SORCS1: variants seen among roughly 807,000 people sequenced by gnomAD.
SORCS1 encodes the protein sortilin related VPS10 domain containing receptor 1.
A neutral mutation model predicts 146.1 loss-of-function variants in SORCS1; 60 were observed. The observed-to-expected ratio is 0.41, with a 90% CI of 0.33 to 0.51. The LOEUF (loss-of-function observed/expected upper bound fraction) is 0.51, where lower values mean the gene tolerates loss of function less well. SORCS1 is among the 20% of genes least tolerant of loss of function. The pLI is 0.21. For missense variants in SORCS1, 1,352 were observed against 1,487.6 expected (o/e 0.91, Z 1.50); for synonymous variants, 637 against 584.0 (o/e 1.09, Z -1.31).
intron 25 of SORCS1, chr10:106,579,100 G>A: frequency 6.2e-7 from 1 of 1,613,916 alleles, no homozygotes; most frequent in South Asian, 1.1e-5. Flanking sequence ...CCTATGAGCT[G>A]GGATTCCACC....
chr10:106,685,809 A>C (rs1258102884), intron 10 of SORCS1, among the ~76,000 whole-genome samples: 1 of 152,182 alleles, frequency 6.6e-6, no homozygotes, highest in Admixed American at 6.5e-5. Context: ...AGCCATTAGA[A>C]GGTTTAAGGA....
upstream of SORCS1, among the ~76,000 whole-genome samples, chr10:107,165,714 G>T (rs555464438): frequency 6.6e-6 from 1 of 152,282 alleles, no homozygotes; most frequent in South Asian, 2.1e-4. The surrounding 1 kb of genome is among the most constrained non-coding windows in gnomAD (Gnocchi z 4.0). Flanking sequence ...TGTGTCACTT[G>T]GTGCCTGGCC....
At chr10:106,747,696 G>A (rs1857843372) in intron 5 of SORCS1, among the ~76,000 whole-genome samples, 1 of 152,098 alleles carries the variant, frequency 6.6e-6, no homozygotes, top group Non-Finnish European at 1.5e-5. Context: ...GATACAACAT[G>A]ACAGATAGAT....
intron 1 of SORCS1, among the ~76,000 whole-genome samples, chr10:107,071,308 C>G (rs1311154809): frequency 6.6e-6 from 1 of 152,164 alleles, no homozygotes; most frequent in Non-Finnish European, 1.5e-5. Flanking sequence ...ATCTCCTTTA[C>G]TACCGTAACA....
chr10:106,931,716 G>A (rs1002042520), intron 2 of SORCS1, among the ~76,000 whole-genome samples: 1 of 152,096 alleles, frequency 6.6e-6, no homozygotes, highest in African/African-American at 2.4e-5. Flanking sequence ...TTTTTTTAGG[G>A]TTGTGTATGT....
At chr10:106,957,174 G>GTTTTTTTTTTTTT (rs1288054851) in intron 1 of SORCS1, among the ~76,000 whole-genome samples, 1 of 62,840 alleles carries the variant, frequency 1.6e-5, no homozygotes. Context: ...TGTTTTTTTT[G>GTTTTTTTTTTTTT]TTTTTTTTTT....
intron 6 of SORCS1, among the ~76,000 whole-genome samples, chr10:106,713,624 G>A (rs1230392230): frequency 6.6e-6 from 1 of 152,222 alleles, no homozygotes; most frequent in African/African-American, 2.4e-5. Context: ...GCTATAGCAC[G>A]TTTAGTCTTC....
intron 21 of SORCS1, among the ~76,000 whole-genome samples, chr10:106,615,278 C>T (rs1318724445): frequency 6.6e-6 from 1 of 152,174 alleles, no homozygotes; most frequent in Admixed American, 6.5e-5. Context: ...AGCACCCCTC[C>T]CTATCTCCCA....
chr10:106,957,130 C>T (rs552803142), intron 1 of SORCS1, among the ~76,000 whole-genome samples: 2 of 149,684 alleles, frequency 1.3e-5, no homozygotes, highest in Admixed American at 1.3e-4. Flanking sequence ...GAAATAAATA[C>T]AAATTACATA....
At chr10:106,928,603 G>T (rs1953212638) in intron 2 of SORCS1, among the ~76,000 whole-genome samples, 1 of 152,242 alleles carries the variant, frequency 6.6e-6, no homozygotes, top group African/African-American at 2.4e-5. Flanking sequence ...CCAGGCAGAG[G>T]CAGCGCTGAG....
At chr10:106,873,343 CT>C (rs1950481518) in intron 2 of SORCS1, among the ~76,000 whole-genome samples, 1 of 151,786 alleles carries the variant, frequency 6.6e-6, no homozygotes, top group Non-Finnish European at 1.5e-5. Flanking sequence ...AGATAATTTC[CT>C]TGATATTTAT....
chr10:106,841,786 T>C (rs1204992465), intron 2 of SORCS1, among the ~76,000 whole-genome samples: 1 of 152,210 alleles, frequency 6.6e-6, no homozygotes, highest in East Asian at 1.9e-4. Flanking sequence ...TGTTGAATAA[T>C]GTCCCTTTGT....
intron 2 of SORCS1, among the ~76,000 whole-genome samples, chr10:106,920,532 C>T (rs1192515564): frequency 6.6e-6 from 1 of 152,170 alleles, no homozygotes; most frequent in African/African-American, 2.4e-5. Flanking sequence ...CTACACCCAC[C>T]CTGTCCCTGA....
At chr10:106,679,760 C>T in intron 10 of SORCS1, 26 bp from the exon 11 acceptor site, 3 of 1,533,578 alleles carry the variant, frequency 2.0e-6, no homozygotes, top group Non-Finnish European at 2.7e-6. Flanking sequence ...ATAAGTGCCA[C>T]AAAATCACAT....
chr10:107,004,175 C>CAAAAA (rs1190654041), intron 1 of SORCS1, among the ~76,000 whole-genome samples: 13 of 49,552 alleles, frequency 2.6e-4, no homozygotes, highest in East Asian at 2.1e-3. Flanking sequence ...GATCCCATCT[C>CAAAAA]AAAAAAAAAA....
At chr10:106,939,538 C>T (rs1262478569) in intron 2 of SORCS1, among the ~76,000 whole-genome samples, 1 of 152,188 alleles carries the variant, frequency 6.6e-6, no homozygotes. Context: ...AAACGCAGTC[C>T]TGTGCCTTTC....
intron 1 of SORCS1, among the ~76,000 whole-genome samples, chr10:107,068,996 T>C (rs1962176980): frequency 6.6e-6 from 1 of 152,164 alleles, no homozygotes; most frequent in Non-Finnish European, 1.5e-5. Flanking sequence ...ACATCACTGA[T>C]AGATTCCCAA....
intron 8 of SORCS1, among the ~76,000 whole-genome samples, chr10:106,702,959 T>C (rs971970777): frequency 6.6e-6 from 1 of 152,180 alleles, no homozygotes; most frequent in African/African-American, 2.4e-5. Flanking sequence ...TATTAATTAA[T>C]GGTGAATTAA....
intron 3 of SORCS1, among the ~76,000 whole-genome samples, chr10:106,799,575 T>C (rs1946762264): frequency 6.6e-6 from 1 of 152,128 alleles, no homozygotes; most frequent in African/African-American, 2.4e-5. Context: ...GCAAAGGATA[T>C]GAACAGACAA....
Sources: gnomAD v4.1 joint callset for allele counts (sites outside exome capture counted in the v4.1 genomes callset) on GRCh38, gnomAD v4.1.1 for gene constraint, Gnocchi (gnomAD v3.1) non-coding constraint, MANE v1.5 for transcripts, NCBI Gene and HGNC (gene_info 2026-07-23, HGNC 2026-07-21) for gene names.